The following CRTC1 variants were observed in gnomAD, a reference collection of about 807,000 sequenced individuals.
CRTC1 encodes CREB regulated transcription coactivator 1.
Under a neutral mutation model 66.1 loss-of-function variants are expected in CRTC1, and 18 were observed. The observed-to-expected ratio is 0.27, with a 90% CI of 0.19 to 0.40. The LOEUF (loss-of-function observed/expected upper bound fraction) is 0.40, where lower values mean the gene tolerates loss of function less well. CRTC1 is among the 10% of genes least tolerant of loss of function. The pLI, the probability that CRTC1 is intolerant of heterozygous loss-of-function variation, is 1.00. For synonymous variants in CRTC1, 416 were observed against 398.8 expected (o/e 1.04, Z -0.51); for missense variants, 669 against 887.9 (o/e 0.75, Z 3.13).
At chr19:18,756,071 C>G (rs1332668440) in intron 6 of CRTC1, among the ~76,000 whole-genome samples, 3 of 152,028 alleles carry the variant, frequency 2.0e-5, no homozygotes, top group African/African-American at 7.2e-5. Flanking sequence ...CAGTGGCTTA[C>G]GCCTGTAATC....
chr19:18,774,832 C>T (rs2054946745), intron 11 of CRTC1, 68 bp from the exon 12 acceptor site: 5 of 1,484,252 alleles, frequency 3.4e-6, no homozygotes, highest in Non-Finnish European at 4.7e-6. Flanking sequence ...TCCAGCCGGG[C>T]TTGGGAGGTG....
chr19:18,719,068 G>A (rs576140146), intron 1 of CRTC1, among the ~76,000 whole-genome samples: 18 of 152,314 alleles, frequency 1.2e-4, no homozygotes, highest in Admixed American at 1.2e-3. Flanking sequence ...ACCAGGGAGG[G>A]GGCTGACGAT....
chr19:18,706,063 A>G lies in CRTC1; in HGVS notation c.126+22235A>G, dbSNP rs139929322. ...TTGCACTTGGAGATCCTGTTTTCCC[A>G]GAGCTATTTGTTGAAAAGACCATCC... is the stretch of plus-strand genomic sequence containing the variant. On this transcript the variant is annotated intron_variant, in intron 1 of 13. Transcript: ENST00000321949. Among the ~76,000 whole-genome samples, 287 of 148,694 alleles carry G rather than the reference A, an allele frequency of 1.9e-3. 1 individual carries two copies. The highest frequency in any genetic ancestry group is 2.7e-3 in the Non-Finnish European group (181 of 67,470).
chr19:18,709,033 C>T (rs1399933333), intron 1 of CRTC1, among the ~76,000 whole-genome samples: 1 of 152,154 alleles, frequency 6.6e-6, no homozygotes, highest in African/African-American at 2.4e-5. Context: ...AAATGTCCAC[C>T]CGGTACCTCC....
intron 2 of CRTC1, among the ~76,000 whole-genome samples, chr19:18,745,593 C>T (rs1034999145): frequency 2.0e-5 from 3 of 152,192 alleles, no homozygotes; most frequent in Non-Finnish European, 4.4e-5. Context: ...CACGCCCCTG[C>T]CACCCTGGCT....
chr19:18,764,496 G>A (rs1269007686), intron 8 of CRTC1, among the ~76,000 whole-genome samples: 2 of 152,242 alleles, frequency 1.3e-5, no homozygotes, highest in Admixed American at 1.3e-4. Context: ...CCCAGCTACT[G>A]CCATGTTGAA....
intron 6 of CRTC1, among the ~76,000 whole-genome samples, chr19:18,758,050 A>G (rs1243159383): frequency 1.3e-5 from 2 of 150,604 alleles, no homozygotes; most frequent in African/African-American, 4.9e-5. Flanking sequence ...AATTAAAACT[A>G]AAATTAAACA....
chr19:18,775,998 G>A (rs1246366134), intron 13 of CRTC1, among the ~76,000 whole-genome samples, 177 bp downstream of exon 13: 1 of 147,432 alleles, frequency 6.8e-6, no homozygotes, highest in African/African-American at 2.6e-5. Flanking sequence ...TCACTCCTGG[G>A]CTTCGGGCCA....
At chr19:18,731,093 C>G (rs879759327) in intron 1 of CRTC1, among the ~76,000 whole-genome samples, 1 of 152,238 alleles carries the variant, frequency 6.6e-6, no homozygotes, top group Non-Finnish European at 1.5e-5. Flanking sequence ...AGTACTGCCT[C>G]TGCCTCCCGT....
chr19:18,698,529 A>C (rs1304668774), intron 1 of CRTC1, among the ~76,000 whole-genome samples: 1 of 150,770 alleles, frequency 6.6e-6, no homozygotes, highest in Non-Finnish European at 1.5e-5. Flanking sequence ...CAGCAGGCAC[A>C]GTGTGTACTC....
At chr19:18,736,664 A>G (rs1821532755) in intron 1 of CRTC1, among the ~76,000 whole-genome samples, 2 of 151,914 alleles carry the variant, frequency 1.3e-5, no homozygotes, top group South Asian at 2.1e-4. Context: ...GCTGGAGCCT[A>G]TGGTCATGGA....
chr19:18,780,641 G>A lies in CRTC1; in HGVS notation c.*3259G>A, dbSNP rs112268829. On this transcript the variant is annotated 3_prime_UTR_variant, in exon 14 of 14. Transcript: ENST00000321949. Reference sequence around the variant, plus strand: ...GTGAGCTGGGACCTCGCCTGAGCCCGGTCAGGTGGGACAGGAGCCTGCCAG... The same window carrying A: ...GTGAGCTGGGACCTCGCCTGAGCCCAGTCAGGTGGGACAGGAGCCTGCCAG... 2.1e-3 allele frequency: 469 copies of A among 227,086 alleles called. 2 individuals are homozygous for A. Among genetic ancestry groups the A allele is most frequent in the African/African-American group, 9.3e-3 (417 of 45,048 alleles). 14.1% of individuals were successfully genotyped at this position (227,086 alleles called of 1,614,324 possible).
chr19:18,738,796 G>A (rs35771004), intron 1 of CRTC1, among the ~76,000 whole-genome samples: 3 of 151,826 alleles, frequency 2.0e-5, no homozygotes, highest in South Asian at 4.1e-4. Flanking sequence ...GGGAGACTCC[G>A]TCTCAAAACA....
chr19:18,723,759 T>C (rs2053681044), intron 1 of CRTC1, among the ~76,000 whole-genome samples: 1 of 152,234 alleles, frequency 6.6e-6, no homozygotes, highest in East Asian at 1.9e-4. Context: ...AGATGGCCTG[T>C]GGGCAACAGG....
At chr19:18,700,966 T>A (rs958107713) in intron 1 of CRTC1, among the ~76,000 whole-genome samples, 8 of 152,236 alleles carry the variant, frequency 5.3e-5, no homozygotes, top group African/African-American at 1.9e-4. Context: ...ATCCCTTCGG[T>A]CCTCCCAGGC....
At chr19:18,731,233 A>G (rs746749557) in intron 1 of CRTC1, among the ~76,000 whole-genome samples, 1 of 152,246 alleles carries the variant, frequency 6.6e-6, no homozygotes, top group Non-Finnish European at 1.5e-5. Context: ...TCTGAAGGCC[A>G]GAAGCCTAAG....
intron 1 of CRTC1, among the ~76,000 whole-genome samples, chr19:18,684,435 G>A (rs192082078): frequency 5.3e-5 from 8 of 152,198 alleles, no homozygotes; most frequent in Admixed American, 3.3e-4. Flanking sequence ...TGGGTGTTGG[G>A]GGAGGAACGG....
intron 11 of CRTC1, among the ~76,000 whole-genome samples, chr19:18,772,923 C>A (rs982092634): frequency 1.3e-5 from 2 of 152,170 alleles, no homozygotes; most frequent in Non-Finnish European, 2.9e-5. Context: ...GTGGGCAGCC[C>A]AGGTGGGGCT....
At chr19:18,762,480 A>G (rs2054636552) in intron 8 of CRTC1, among the ~76,000 whole-genome samples, 1 of 152,198 alleles carries the variant, frequency 6.6e-6, no homozygotes, top group South Asian at 2.1e-4. Context: ...CGCCAGTCAG[A>G]ACGTGAGCTC....
Sources: allele counts gnomAD v4.1 joint callset (sites outside exome capture counted in the v4.1 genomes callset), GRCh38; gene constraint gnomAD v4.1.1; transcripts MANE v1.5; gene names NCBI Gene and HGNC (gene_info 2026-07-23, HGNC 2026-07-21).